The following PLCB1 variants were observed in gnomAD, a reference collection of about 807,000 sequenced individuals.
The protein encoded by PLCB1 is phospholipase C beta 1.
Under a neutral mutation model 161.8 loss-of-function variants are expected in PLCB1, and 46 were observed. The ratio of observed to expected loss-of-function variants is 0.28; its 90% CI spans 0.22 to 0.36. PLCB1 has a LOEUF of 0.36. PLCB1 is among the 10% of genes least tolerant of loss of function. PLCB1 has a pLI of 1.00. For synonymous variants in PLCB1, 517 were observed against 503.7 expected (o/e 1.03, Z -0.35); for missense variants, 1,016 against 1,472.5 (o/e 0.69, Z 5.07).
At chr20:8,413,225 T>C (rs1979120607) in intron 3 of PLCB1, among the ~76,000 whole-genome samples, 1 of 152,198 alleles carries the variant, frequency 6.6e-6, no homozygotes, top group South Asian at 2.1e-4. Context: ...ATGTTTAAAC[T>C]ATAAACAAGG....
At chr20:8,414,203 A>G (rs1306404515) in intron 3 of PLCB1, among the ~76,000 whole-genome samples, 1 of 152,196 alleles carries the variant, frequency 6.6e-6, no homozygotes, top group Non-Finnish European at 1.5e-5. Flanking sequence ...CGTCATACTA[A>G]AAAATGAGTG....
At chr20:8,348,935 A>T (rs74525191) in intron 2 of PLCB1, among the ~76,000 whole-genome samples, 2,105 of 152,242 alleles carry the variant, frequency 0.014, 53 homozygotes, top group African/African-American at 0.047. Flanking sequence ...TTGGCCCTCA[A>T]GTGGCTTTCT....
intron 3 of PLCB1, among the ~76,000 whole-genome samples, chr20:8,507,832 G>C (rs1983703667): frequency 6.6e-6 from 1 of 152,014 alleles, no homozygotes; most frequent in Non-Finnish European, 1.5e-5. Flanking sequence ...TACAAAAAAT[G>C]GAATAAGAAA....
At chr20:8,790,335 T>G (rs1441284314) in intron 31 of PLCB1, 74 bp downstream of exon 31, 2 of 1,099,910 alleles carry the variant, frequency 1.8e-6, no homozygotes, top group Admixed American at 2.0e-5. Flanking sequence ...CCTTCCTGGT[T>G]TACATAAGTA....
intron 3 of PLCB1, among the ~76,000 whole-genome samples, chr20:8,471,328 C>T (rs1031703208): frequency 7.9e-5 from 12 of 152,092 alleles, no homozygotes; most frequent in Admixed American, 3.3e-4. Flanking sequence ...GAAAATAAAA[C>T]CCTTTACTTT....
intron 2 of PLCB1, among the ~76,000 whole-genome samples, chr20:8,194,538 T>C (rs543522769): frequency 4.0e-4 from 61 of 152,174 alleles, no homozygotes; most frequent in South Asian, 6.2e-4. Context: ...AACACATTGA[T>C]TTTAGGAAAA....
At chr20:8,346,858 A>G (rs1986015040) in intron 2 of PLCB1, among the ~76,000 whole-genome samples, 1 of 152,188 alleles carries the variant, frequency 6.6e-6, no homozygotes, top group Non-Finnish European at 1.5e-5. Flanking sequence ...CCTCTCCAGA[A>G]GGAAATCAAA....
chr20:8,600,100 CGTCAAA>C, intron 3 of PLCB1, among the ~76,000 whole-genome samples: 1 of 126,452 alleles, frequency 7.9e-6, no homozygotes, highest in Non-Finnish European at 1.7e-5. Flanking sequence ...TCTCTCAGCT[CGTCAAA>C]GTCATTCTCC....
chr20:8,590,576 G>C (rs1267593679), intron 3 of PLCB1, among the ~76,000 whole-genome samples: 1 of 152,078 alleles, frequency 6.6e-6, no homozygotes, highest in Non-Finnish European at 1.5e-5. Context: ...TGACGTAGAG[G>C]TTACTTGGCT....
chr20:8,774,704 A>G lies in PLCB1; in HGVS notation c.3096A>G (p.Arg1032=), dbSNP rs1982860570. 1.2e-6 allele frequency: 2 copies of G among 1,602,842 alleles called. No individual in the cohort carries two copies. Among genetic ancestry groups the G allele is most frequent in the South Asian group, 1.1e-5 (1 of 90,038 alleles). ...EQYYSEKYQK[R]EHIKLLIQKL... is the part of the protein sequence containing the mutation. ...ATTATAGTGAAAAATACCAGAAGCG[A>G]GAACATATTAAACTGGTGAGCCTGA... Residue 1032 remains arginine (R), a synonymous_variant, in exon 27 of 32, where the codon CGA becomes CGG. Transcript: ENST00000338037.
chr20:8,805,820 C>T (rs1984509869), intron 31 of PLCB1, among the ~76,000 whole-genome samples: 1 of 152,166 alleles, frequency 6.6e-6, no homozygotes, highest in East Asian at 1.9e-4. Flanking sequence ...ACTTCTCTTT[C>T]TTATGTTGAC....
intron 2 of PLCB1, among the ~76,000 whole-genome samples, chr20:8,326,644 A>G (rs898681864): frequency 2.0e-5 from 3 of 152,212 alleles, no homozygotes; most frequent in Non-Finnish European, 4.4e-5. Context: ...CCTATTATTA[A>G]TCATGTATTT....
intron 3 of PLCB1, among the ~76,000 whole-genome samples, chr20:8,507,984 C>T (rs929673639): frequency 2.6e-5 from 4 of 152,116 alleles, no homozygotes; most frequent in African/African-American, 9.7e-5. Flanking sequence ...ATCTAACACC[C>T]TCCACCCTAG....
chr20:8,340,579 C>T (rs1419113074), intron 2 of PLCB1, among the ~76,000 whole-genome samples: 2 of 151,944 alleles, frequency 1.3e-5, no homozygotes, highest in South Asian at 2.1e-4. Flanking sequence ...CCCGCCACCA[C>T]GCCCGGCTAA....
intron 3 of PLCB1, among the ~76,000 whole-genome samples, chr20:8,393,950 ATAATAT>A (rs1421915391): frequency 3.3e-5 from 5 of 152,138 alleles, no homozygotes; most frequent in African/African-American, 1.2e-4. Flanking sequence ...ATATATCTTG[ATAATAT>A]TAATATAATG....
intron 31 of PLCB1, among the ~76,000 whole-genome samples, chr20:8,827,097 A>G (rs1400011069): frequency 6.6e-6 from 1 of 152,216 alleles, no homozygotes; most frequent in Non-Finnish European, 1.5e-5. Context: ...CCACCATAAA[A>G]GTTTAAGTTT....
intron 2 of PLCB1, among the ~76,000 whole-genome samples, chr20:8,168,750 C>CTT (rs536734444): frequency 3.5e-5 from 5 of 141,412 alleles, no homozygotes; most frequent in African/African-American, 1.0e-4. Flanking sequence ...CTGATGTAGT[C>CTT]TTTTTTTTTT....
At chr20:8,785,802 C>T (rs1211604860) in intron 27 of PLCB1, among the ~76,000 whole-genome samples, 1 of 152,174 alleles carries the variant, frequency 6.6e-6, no homozygotes, top group East Asian at 1.9e-4. Context: ...GGAAGGGAAA[C>T]AGCACATGTG....
chr20:8,821,391 T>C (rs573008150), intron 31 of PLCB1, among the ~76,000 whole-genome samples: 2 of 147,674 alleles, frequency 1.4e-5, no homozygotes, highest in East Asian at 4.1e-4. Flanking sequence ...GGCAGGAGAA[T>C]TGCTTGAACC....
Sources: allele counts gnomAD v4.1 joint callset (sites outside exome capture counted in the v4.1 genomes callset), GRCh38; gene constraint gnomAD v4.1.1; transcripts MANE v1.5; gene names NCBI Gene and HGNC (gene_info 2026-07-23, HGNC 2026-07-21).